The following NDUFS7 variants were observed in gnomAD, a reference collection of about 807,000 sequenced individuals.
NDUFS7 encodes the protein NADH:ubiquinone oxidoreductase core subunit S7.
NDUFS7 carries 11 observed loss-of-function variants against 31.1 expected under a neutral mutation model. That is an observed-to-expected ratio of 0.35 (90% confidence interval 0.22 to 0.59). NDUFS7 has a LOEUF of 0.59. Ranked by LOEUF, NDUFS7 falls within the 20% of genes least tolerant of loss-of-function variation. NDUFS7 has a pLI of 0.79. For missense variants in NDUFS7, 263 were observed against 324.2 expected (o/e 0.81, Z 1.45); for synonymous variants, 136 against 127.9 (o/e 1.06, Z -0.43).
intron 2 of NDUFS7, 86 bp downstream of exon 2, chr19:1,387,933 G>T (rs2082520378): frequency 1.0e-5 from 4 of 385,838 alleles, no homozygotes; most frequent in South Asian, 3.8e-5. Context: ...GGGGTGGGGG[G>T]AGCGCCTTGT....
intron 4 of NDUFS7, chr19:1,389,827 G>A (rs569894153): frequency 6.3e-6 from 2 of 318,690 alleles, no homozygotes; most frequent in Non-Finnish European, 1.2e-5. Flanking sequence ...ATGCCACGGC[G>A]AACGTCCTGC....
chr19:1,394,937 G>A (rs1471948853), intron 7 of NDUFS7: 3 of 1,117,698 alleles, frequency 2.7e-6, no homozygotes, highest in Non-Finnish European at 3.3e-6. Flanking sequence ...TCAGAAAGAG[G>A]GTCATCGGGT....
chr19:1,394,725 G>T, intron 7 of NDUFS7: 1 of 1,192,840 alleles, frequency 8.4e-7, no homozygotes, highest in Non-Finnish European at 1.1e-6. Flanking sequence ...CCTTGGAGCA[G>T]CCTGGACTTG....
chr19:1,390,828 G>A lies in NDUFS7; in HGVS notation c.229-43G>A, dbSNP rs777208696. 40 of 1,594,174 alleles carry A rather than the reference G, an allele frequency of 2.5e-5. No homozygotes were observed. The South Asian group carries it at 3.6e-4, about 14-fold the overall frequency. On this transcript the variant is annotated intron_variant, in intron 4 of 7. Coordinates refer to ENST00000233627, the MANE Select transcript of NDUFS7 (RefSeq NM_024407.5). ...CGTGGAGTCTCACGCTGGGCCACGCGGGGCTCCGGGGGTGGCGTCTGACCC... is the reference window on the plus strand; with the variant it reads ...CGTGGAGTCTCACGCTGGGCCACGCAGGGCTCCGGGGGTGGCGTCTGACCC...
chr19:1,390,457 T>G, intron 4 of NDUFS7: 1 of 284,838 alleles, frequency 3.5e-6, no homozygotes, highest in Non-Finnish European at 6.8e-6. Context: ...GCCAAGGAGA[T>G]CTGAGAGGGC....
chr19:1,389,051 G>A, intron 4 of NDUFS7, 113 bp downstream of exon 4: 2 of 902,874 alleles, frequency 2.2e-6, no homozygotes, highest in Non-Finnish European at 1.8e-6. Flanking sequence ...ACACATGCAT[G>A]CACACTCACA....
chr19:1,395,126 C>T, intron 7 of NDUFS7: 1 of 1,381,318 alleles, frequency 7.2e-7, no homozygotes. Flanking sequence ...AGGTCAGCGT[C>T]TTGTCCGAGA....
chr19:1,387,456 G>C (rs904923364), intron 1 of NDUFS7, among the ~76,000 whole-genome samples: 6 of 152,272 alleles, frequency 3.9e-5, no homozygotes, highest in African/African-American at 1.4e-4. Context: ...GTGTGAGGCG[G>C]GGTGTCCCCC....
intron 1 of NDUFS7, 102 bp downstream of exon 1, chr19:1,384,044 C>G: frequency 1.5e-6 from 2 of 1,310,950 alleles, no homozygotes; most frequent in South Asian, 1.5e-5. Context: ...GCGTCGTGGC[C>G]GCGGTCCTCT....
rs564060319 is a variant in NDUFS7, at chr19:1,394,444, G to A, written c.545-947G>A. 636 of 1,273,944 alleles carry A rather than the reference G, an allele frequency of 5.0e-4. 3 individuals are homozygous for A. The African/African-American group carries it at 7.1e-3, about 14-fold the overall frequency. 78.9% of individuals were successfully genotyped at this position (1,273,944 alleles called of 1,614,324 possible). ...CTGAGCTCCTCCCTCCCTGGGGACCGCGCTCCTCCCTCCCTGCGGACTGTG... is the reference window on the plus strand; with the variant it reads ...CTGAGCTCCTCCCTCCCTGGGGACCACGCTCCTCCCTCCCTGCGGACTGTG... On this transcript the variant is annotated intron_variant, in intron 7 of 7. Coordinates refer to ENST00000233627, the MANE Select transcript of NDUFS7 (RefSeq NM_024407.5).
At chr19:1,395,264 A>C in intron 7 of NDUFS7, 127 bp from the exon 8 acceptor site, 4 of 1,475,942 alleles carry the variant, frequency 2.7e-6, no homozygotes, top group Non-Finnish European at 3.6e-6. Flanking sequence ...GCGCCCACCC[A>C]GGGCTGTCAG....
rs2082587166 is a variant in NDUFS7 at position 1,395,102 on chromosome 19, G to A, written c.545-289G>A. On this transcript the variant is annotated intron_variant, in intron 7 of 7. Transcript: ENST00000233627. ...ATTGAGTCCTGAGGGCTGGGGCCGG[G>A]GGCCGGGTTAGTGAGGTCAGCGTCT... 4 of 1,326,772 alleles carry A rather than the reference G, an allele frequency of 3.0e-6. No individual in the cohort carries two copies. The South Asian group carries it at 6.6e-5, about 22-fold the overall frequency. The allele number at this position is 1,326,772 out of a possible 1,614,324, so 82.2% of individuals were successfully genotyped here.
At chr19:1,391,539 T>C (rs989120884) in intron 6 of NDUFS7, among the ~76,000 whole-genome samples, 3 of 148,180 alleles carry the variant, frequency 2.0e-5, no homozygotes, top group African/African-American at 5.0e-5. Context: ...CAGGCTGGAG[T>C]GCGGTGGAAC....
chr19:1,385,806 C>T (rs1487493155), intron 1 of NDUFS7, among the ~76,000 whole-genome samples: 4 of 151,854 alleles, frequency 2.6e-5, no homozygotes, highest in Non-Finnish European at 5.9e-5. Flanking sequence ...GTGACAAGAG[C>T]GAAACTCCGT....
At chr19:1,384,061 T>C in intron 1 of NDUFS7, 119 bp downstream of exon 1, 1 of 1,152,652 alleles carries the variant, frequency 8.7e-7, no homozygotes, top group Non-Finnish European at 1.2e-6. Flanking sequence ...CTCTCCGGGC[T>C]TCTCCGAGCC....
chr19:1,389,159 A>T (rs1568989502), intron 4 of NDUFS7: 4 of 699,406 alleles, frequency 5.7e-6, no homozygotes, highest in South Asian at 4.5e-5. Context: ...ACTCGCACAC[A>T]TGCACACTTG....
intron 4 of NDUFS7, 55 bp from the exon 5 acceptor site, chr19:1,390,816 G>T (rs1439017495): frequency 5.7e-6 from 9 of 1,579,522 alleles, no homozygotes; most frequent in Non-Finnish European, 7.7e-6. Flanking sequence ...GGAGTCTCAC[G>T]CTGGGCCACG....
At chr19:1,387,323 C>T (rs1049913347) in intron 1 of NDUFS7, among the ~76,000 whole-genome samples, 1 of 152,262 alleles carries the variant, frequency 6.6e-6, no homozygotes, top group Non-Finnish European at 1.5e-5. Flanking sequence ...ACCCCACAAG[C>T]ACGCATAGAT....
chr19:1,394,220 T>C, intron 7 of NDUFS7: 1 of 461,054 alleles, frequency 2.2e-6, no homozygotes, highest in Non-Finnish European at 3.7e-6. Flanking sequence ...GAAAGGGCGT[T>C]GATTTGTTCA....
Sources: allele counts gnomAD v4.1 joint callset (sites outside exome capture counted in the v4.1 genomes callset), GRCh38; gene constraint gnomAD v4.1.1; transcripts MANE v1.5; gene names NCBI Gene and HGNC (gene_info 2026-07-23, HGNC 2026-07-21).